PRKCH: variants seen among roughly 807,000 people sequenced by gnomAD.
PRKCH encodes protein kinase C eta type.
PRKCH carries 28 observed loss-of-function variants against 82.5 expected under a neutral mutation model. The ratio of observed to expected loss-of-function variants is 0.34; its 90% CI spans 0.25 to 0.47. The LOEUF is 0.47. PRKCH is among the 20% of genes least tolerant of loss of function. The pLI, the probability that PRKCH is intolerant of heterozygous loss-of-function variation, is 1.00. For synonymous variants in PRKCH, 322 were observed against 327.4 expected (o/e 0.98, Z 0.18); for missense variants, 705 against 881.8 (o/e 0.80, Z 2.54).
intron 2 of PRKCH, among the ~76,000 whole-genome samples, chr14:61,393,341 A>G (rs758724764): frequency 7.2e-5 from 11 of 152,230 alleles, no homozygotes; most frequent in Non-Finnish European, 8.8e-5. Context: ...TGTTGGATCT[A>G]TAGATCAGTT....
intron 10 of PRKCH, among the ~76,000 whole-genome samples, chr14:61,514,585 C>G (rs1047357992): frequency 1.3e-5 from 2 of 152,066 alleles, no homozygotes; most frequent in Non-Finnish European, 2.9e-5. Context: ...GGTCCCAGCA[C>G]AAACCAGAAT....
chr14:61,393,962 A>G (rs1424760187), intron 2 of PRKCH, among the ~76,000 whole-genome samples: 1 of 152,032 alleles, frequency 6.6e-6, no homozygotes, highest in East Asian at 1.9e-4. Flanking sequence ...TTTAAAATAT[A>G]TTTTCCAGGT....
intron 2 of PRKCH, among the ~76,000 whole-genome samples, chr14:61,432,057 ATCTC>A (rs1395645490): frequency 1.9e-5 from 2 of 105,634 alleles, no homozygotes; most frequent in South Asian, 3.3e-4. Flanking sequence ...GGAAGATAGA[ATCTC>A]TCTCTCTTTT....
intron 1 of PRKCH, among the ~76,000 whole-genome samples, chr14:61,340,815 G>A (rs760635797): frequency 2.0e-5 from 3 of 152,160 alleles, no homozygotes; most frequent in South Asian, 2.1e-4. Context: ...CCATTTTCCC[G>A]GTCAGAACTG....
chr14:61,256,416 G>A (rs911448375), intron 1 of PRKCH, among the ~76,000 whole-genome samples: 21 of 152,266 alleles, frequency 1.4e-4, no homozygotes, highest in South Asian at 6.2e-4. Flanking sequence ...GAAGCCCACC[G>A]CCTGTGGGGT....
At chr14:61,505,455 A>C (rs1194625640) in intron 10 of PRKCH, among the ~76,000 whole-genome samples, 1 of 115,502 alleles carries the variant, frequency 8.7e-6, no homozygotes, top group African/African-American at 3.3e-5. Flanking sequence ...CGCCCACTGC[A>C]ACCTCCACCT....
chr14:61,490,976 G>A (rs139400962), intron 10 of PRKCH, among the ~76,000 whole-genome samples: 77 of 152,168 alleles, frequency 5.1e-4, no homozygotes, highest in Non-Finnish European at 7.6e-4. Flanking sequence ...GATTTTACAT[G>A]CCTGAGTTAC....
At chr14:61,226,491 G>T (rs1207281240) in intron 1 of PRKCH, among the ~76,000 whole-genome samples, 1 of 152,160 alleles carries the variant, frequency 6.6e-6, no homozygotes, top group African/African-American at 2.4e-5. Context: ...ACTTGATGTG[G>T]GTTTGTGATA....
chr14:61,473,717 G>T (rs1037799205), intron 9 of PRKCH, among the ~76,000 whole-genome samples: 1 of 152,180 alleles, frequency 6.6e-6, no homozygotes, highest in Admixed American at 6.5e-5. Context: ...TTCAGGCCAG[G>T]TGCAGTGGCT....
Position 61,461,815 on chromosome 14 carries a change from G to C in PRKCH, c.1278+4136G>C, listed in dbSNP as rs147550798. 2.6e-4 allele frequency among the ~76,000 whole-genome samples: 40 copies of C among 152,336 alleles called. No homozygotes were observed. The East Asian group carries it at 6.4e-3, about 24-fold the overall frequency. ...TGCAATCAAAATGTTCCAGGAAAAT[G>C]TATAAATTCTACAGTATACCAAAAT... On this transcript the variant is annotated intron_variant, in intron 9 of 13. Coordinates refer to ENST00000332981, the MANE Select transcript of PRKCH (RefSeq NM_006255.5).
At chr14:61,214,314 A>C (rs2044602344) in intron 1 of PRKCH, among the ~76,000 whole-genome samples, 1 of 152,130 alleles carries the variant, frequency 6.6e-6, no homozygotes, top group Non-Finnish European at 1.5e-5. Context: ...AGAAGAAGTG[A>C]AGGGCCCATT....
chr14:61,369,585 A>G (rs2046340281), intron 1 of PRKCH, among the ~76,000 whole-genome samples: 1 of 152,044 alleles, frequency 6.6e-6, no homozygotes. Flanking sequence ...CTGATTTTAC[A>G]TGTTTACACA....
At chr14:61,518,186 G>T (rs1165462964) in intron 10 of PRKCH, among the ~76,000 whole-genome samples, 1 of 152,174 alleles carries the variant, frequency 6.6e-6, no homozygotes, top group Admixed American at 6.5e-5. Context: ...GCCACCAAAG[G>T]TCTGTTGTCT....
At chr14:61,335,031 ATTAT>A (rs574429468) in intron 1 of PRKCH, among the ~76,000 whole-genome samples, 6 of 152,116 alleles carry the variant, frequency 3.9e-5, no homozygotes, top group South Asian at 2.1e-4. Flanking sequence ...CTTTAACAAA[ATTAT>A]TTATTTATTT....
chr14:61,239,258 G>A (rs1034511945), intron 1 of PRKCH, among the ~76,000 whole-genome samples: 2 of 152,120 alleles, frequency 1.3e-5, no homozygotes, highest in African/African-American at 4.8e-5. Context: ...TTTTACTAAG[G>A]GTTCTTCAGG....
intron 1 of PRKCH, among the ~76,000 whole-genome samples, chr14:61,367,716 CTT>C (rs34427789): frequency 0.34 from 47,174 of 137,160 alleles, 9,979 homozygotes; most frequent in African/African-American, 0.61. Flanking sequence ...TGGAGAACTC[CTT>C]TTTTTTTTTT....
intron 1 of PRKCH, among the ~76,000 whole-genome samples, chr14:61,295,780 G>T (rs938749146): frequency 6.6e-6 from 1 of 152,168 alleles, no homozygotes; most frequent in Non-Finnish European, 1.5e-5. Context: ...GGCTGTTACT[G>T]TTGCTGCCCA....
At chr14:61,200,678 T>C (rs1020428082) in intron 1 of PRKCH, among the ~76,000 whole-genome samples, 3 of 152,140 alleles carry the variant, frequency 2.0e-5, no homozygotes, top group African/African-American at 7.2e-5. Flanking sequence ...CGATTAACCA[T>C]GGTCTGAAAA....
intron 1 of PRKCH, among the ~76,000 whole-genome samples, chr14:61,188,611 GGTGTGTGTGTGTGTGTGTGTGTGTGT>G (rs1170634010): frequency 2.0e-5 from 1 of 51,026 alleles, no homozygotes; most frequent in Non-Finnish European, 4.0e-5. Context: ...GGGGTGGTGT[GGTGTGTGTGTGTGTGTGTGTGTGTGT>G]GTGTGTGTGT....
Sources: gnomAD v4.1 joint callset for allele counts (sites outside exome capture counted in the v4.1 genomes callset) on GRCh38, gnomAD v4.1.1 for gene constraint, MANE v1.5 for transcripts, NCBI Gene and HGNC (gene_info 2026-07-23, HGNC 2026-07-21) for gene names.